Variants in F8 observed in about 807,000 individuals in gnomAD.
F8 encodes antihemophilic factor.
In F8, 12 loss-of-function variants were observed where a neutral mutation model predicts 140.6. The ratio of observed to expected loss-of-function variants is 0.09; its 90% CI spans 0.05 to 0.14. F8 has a LOEUF of 0.14. F8 is among the 10% of genes least tolerant of loss of function. The pLI, the probability that F8 is intolerant of heterozygous loss-of-function variation, is 1.00. For synonymous variants in F8, 585 were observed against 614.6 expected (o/e 0.95, Z 0.71); for missense variants, 1,354 against 1,720.7 (o/e 0.79, Z 3.77).
At position 155,015,828 on chromosome X, in the gene F8, A is replaced by C. The variant is rs1002880645; in HGVS notation, c.143+6582T>G. On this transcript the variant is annotated intron_variant, in intron 1 of 25. Transcript: ENST00000360256. ...CTCCTCAGTCTAAAATAAAAGTTGA[A>C]ACTACGTTTAAAAACAAAGGACCAA... Among the ~76,000 whole-genome samples the C allele has an allele frequency of 9.8e-5, 11 of 112,596 alleles. No homozygotes were observed. In the Admixed American group the frequency reaches 1.0e-3, roughly 11 times the overall value.
chrX:154,991,214 C>T (rs782776038), intron 4 of F8, among the ~76,000 whole-genome samples: 38 of 112,231 alleles, frequency 3.4e-4, no homozygotes, highest in Admixed American at 3.0e-3. Context: ...TCCCCTCCCA[C>T]GCTCTCTGAG....
chrX:154,968,317 T>C (rs1232948024), intron 7 of F8, among the ~76,000 whole-genome samples: 1 of 111,369 alleles, frequency 9.0e-6, no homozygotes, highest in African/African-American at 3.3e-5. Flanking sequence ...TTTTGTCATA[T>C]AATGCCTTCC....
chrX:154,967,603 A>G (rs2073432452), intron 7 of F8, among the ~76,000 whole-genome samples: 2 of 112,169 alleles, frequency 1.8e-5, no homozygotes, highest in Non-Finnish European at 3.8e-5. Context: ...GTTCAATAAG[A>G]TAAAGCATTT....
At chrX:154,841,208 C>CTTTTTTTTTTTT (rs1168917544) in intron 25 of F8, among the ~76,000 whole-genome samples, 2 of 48,689 alleles carry the variant, frequency 4.1e-5, no homozygotes, top group Non-Finnish European at 7.9e-5. Context: ...TTGCTTTCTT[C>CTTTTTTTTTTTT]TTTTTTTTTT....
intron 13 of F8, among the ~76,000 whole-genome samples, chrX:154,941,685 C>T (rs782390040): frequency 1.7e-4 from 19 of 110,498 alleles, no homozygotes; most frequent in African/African-American, 6.2e-4. Flanking sequence ...ATCCACAGAA[C>T]TCTCCACCCC....
At chrX:154,850,004 C>G (rs990011848) in intron 25 of F8, among the ~76,000 whole-genome samples, 6 of 110,529 alleles carry the variant, frequency 5.4e-5, no homozygotes, top group South Asian at 3.8e-4. Context: ...ACACGCACAC[C>G]TGGCTTAAAC....
chrX:154,900,248 T>C (rs1359405714), intron 20 of F8, among the ~76,000 whole-genome samples: 1 of 111,761 alleles, frequency 8.9e-6, no homozygotes, highest in Non-Finnish European at 1.9e-5. Context: ...TTCTTTCTTT[T>C]TTTGAGATGG....
At chrX:154,853,355 T>A (rs924905412) in intron 25 of F8, among the ~76,000 whole-genome samples, 8 of 111,949 alleles carry the variant, frequency 7.1e-5, no homozygotes, top group Admixed American at 5.7e-4. Flanking sequence ...TTTCCATATG[T>A]TATTACTTTA....
chrX:154,909,029 C>A, intron 14 of F8: 1 of 222,786 alleles, frequency 4.5e-6, no homozygotes, highest in South Asian at 6.5e-5. Flanking sequence ...CCAGCTGCTT[C>A]CGTTGGCGAG....
At chrX:154,906,185 G>T (rs782607851) in intron 15 of F8, among the ~76,000 whole-genome samples, 13 of 111,383 alleles carry the variant, frequency 1.2e-4, no homozygotes, top group Admixed American at 2.9e-4. Context: ...TTTTAATGAC[G>T]TAAGAAATGT....
chrX:154,837,516 G>A lies in F8; in HGVS notation c.*81C>T. 9.2e-7 allele frequency: 1 copy of A among 1,083,524 alleles called. No individual in the cohort carries two copies. The highest frequency in any genetic ancestry group is 1.3e-6 in the Non-Finnish European group (1 of 797,362). The allele number at this position is 1,083,524 out of a possible 1,213,427, so 89.3% of individuals were successfully genotyped here. ...TCTGCTAGGATTTAGCACAAAGGTA[G>A]AAGGCAAGCCAGGGAGGGACACTGC... On this transcript the variant is annotated 3_prime_UTR_variant, in exon 26 of 26. Transcript: ENST00000360256.
At chrX:155,005,224 C>T (rs2073669981) in intron 1 of F8, among the ~76,000 whole-genome samples, 1 of 111,731 alleles carries the variant, frequency 9.0e-6, no homozygotes, top group South Asian at 3.8e-4. Context: ...TCCTGGCAAG[C>T]GTAACCGATC....
At chrX:154,854,590 TTG>T (rs112995374) in intron 25 of F8, among the ~76,000 whole-genome samples, 12 of 100,384 alleles carry the variant, frequency 1.2e-4, no homozygotes, top group Admixed American at 3.3e-4. Flanking sequence ...AGCTAATTCC[TTG>T]TGTGTGTGTG....
At chrX:154,863,378 G>T in intron 22 of F8, 151 bp from the exon 23 acceptor site, 1 of 527,095 alleles carries the variant, frequency 1.9e-6, no homozygotes. Context: ...TGGATGTTAC[G>T]ATGGTAGACA....
rs963683021 is a variant in F8 at position 154,921,906 on chromosome X, C to A, written c.5219+6665G>T. 6.3e-5 allele frequency among the ~76,000 whole-genome samples: 7 copies of A among 110,630 alleles called. No individual in the cohort carries two copies. In the South Asian group the frequency reaches 2.7e-3, roughly 43 times the overall value. On this transcript the variant is annotated intron_variant, in intron 14 of 25. Coordinates refer to ENST00000360256, the MANE Select transcript of F8 (RefSeq NM_000132.4). ...GGGTGGGGGGAAGAGGGAGGGATAG[C>A]ATTAGGAGATATACCTAATGTAAAT...
intron 22 of F8, among the ~76,000 whole-genome samples, chrX:154,891,083 C>T (rs1177691617): frequency 8.0e-5 from 9 of 113,078 alleles, no homozygotes; most frequent in African/African-American, 2.9e-4. Context: ...CAGTAGTGCT[C>T]TTGCACTGGT....
chrX:154,850,484 T>C (rs1557272083), intron 25 of F8, among the ~76,000 whole-genome samples: 4 of 60,231 alleles, frequency 6.6e-5, no homozygotes, highest in Non-Finnish European at 1.9e-4. Context: ...TCCTTCTCTT[T>C]ATTTTTTTTT....
rs782747860 is a variant in F8 at position 154,929,417 on chromosome X, T to C, written c.4373A>G (p.Lys1458Arg). ...QESSHFLQGAKKNNLSLAILT... is the reference protein window; with the variant it reads ...QESSHFLQGARKNNLSLAILT... ...AATGGCTAAAGAAAGGTTATTTTTTTTGGCTCCTTGTAAGAAATGACTGCT... is the reference window on the plus strand; with the variant it reads ...AATGGCTAAAGAAAGGTTATTTTTTCTGGCTCCTTGTAAGAAATGACTGCT... Residue 1458 changes from lysine to arginine, a missense_variant, in exon 14 of 26, where the codon AAA becomes AGA. By Grantham distance (26) the Lys-to-Arg change is conservative. Transcript: ENST00000360256. 1.4e-5 allele frequency: 17 copies of C among 1,211,760 alleles called. No homozygotes were observed. The highest frequency in any genetic ancestry group is 2.3e-4 in the Middle Eastern group (1 of 4,355).
intron 13 of F8, among the ~76,000 whole-genome samples, chrX:154,940,998 G>C (rs1315882805): frequency 9.0e-6 from 1 of 111,725 alleles, no homozygotes; most frequent in Non-Finnish European, 1.9e-5. Flanking sequence ...CCTGACCTAA[G>C]AGAGCTTCTG....
Sources: allele counts gnomAD v4.1 joint callset (sites outside exome capture counted in the v4.1 genomes callset), GRCh38; gene constraint gnomAD v4.1.1; transcripts MANE v1.5; gene names NCBI Gene and HGNC (gene_info 2026-07-23, HGNC 2026-07-21).